Variants in NKAIN2 observed in about 807,000 individuals in gnomAD.
NKAIN2 encodes sodium/potassium-transporting ATPase subunit beta-1-interacting protein 2.
In NKAIN2, 14 loss-of-function variants were observed where a neutral mutation model predicts 32.6. That is an observed-to-expected ratio of 0.43 (90% CI 0.28 to 0.67). The LOEUF (loss-of-function observed/expected upper bound fraction) is 0.67. Among genes scored for constraint, NKAIN2 ranks in the 30% least tolerant of loss-of-function variants. NKAIN2 has a pLI of 0.17. For synonymous variants in NKAIN2, 80 were observed against 87.2 expected (o/e 0.92, Z 0.46); for missense variants, 198 against 258.3 (o/e 0.77, Z 1.60).
chr6:124,404,143 G>A (rs1443790567), intron 3 of NKAIN2, among the ~76,000 whole-genome samples: 4 of 151,978 alleles, frequency 2.6e-5, no homozygotes, highest in South Asian at 2.1e-4. Flanking sequence ...ATCCTTCATC[G>A]TGGATGTTTA....
intron 1 of NKAIN2, among the ~76,000 whole-genome samples, chr6:124,266,911 T>C (rs1794518201): frequency 6.6e-6 from 1 of 152,194 alleles, no homozygotes; most frequent in Non-Finnish European, 1.5e-5. Context: ...AAGGACTACC[T>C]AGTCATCCTT....
At chr6:124,596,845 C>T (rs1782113011) in intron 3 of NKAIN2, among the ~76,000 whole-genome samples, 1 of 151,988 alleles carries the variant, frequency 6.6e-6, no homozygotes, top group Admixed American at 6.6e-5. Context: ...AGTCAAGACC[C>T]AGAGAGCCAA....
intron 3 of NKAIN2, among the ~76,000 whole-genome samples, chr6:124,356,229 T>A (rs1344372502): frequency 6.6e-6 from 1 of 152,150 alleles, no homozygotes; most frequent in African/African-American, 2.4e-5. Flanking sequence ...AAATTTTTTT[T>A]AAAGAAAATT....
At chr6:124,439,362 T>G (rs889067781) in intron 3 of NKAIN2, among the ~76,000 whole-genome samples, 36 of 151,978 alleles carry the variant, frequency 2.4e-4, no homozygotes, top group African/African-American at 2.4e-5. Context: ...CTTGTTGTTT[T>G]TTTTTTTTAT....
intron 3 of NKAIN2, among the ~76,000 whole-genome samples, chr6:124,378,171 A>AAG: frequency 6.6e-6 from 1 of 152,112 alleles, no homozygotes. Context: ...CTTCAGCCCA[A>AAG]TGCACTTTGG....
intron 1 of NKAIN2, among the ~76,000 whole-genome samples, chr6:123,905,811 T>C (rs1260091506): frequency 6.6e-6 from 1 of 152,188 alleles, no homozygotes; most frequent in African/African-American, 2.4e-5. Context: ...GACAGGAATC[T>C]CATTAGTCCT....
rs552782793 is a variant in NKAIN2 at position 124,047,448 on chromosome 6, C to CTA, written c.55-235546_55-235545dup. ...GGAAATTTACTTTCTCTCTCTCTCTCTATATATATATAGTTAAATAGCAAA... is the reference window on the plus strand; with the variant it reads ...GGAAATTTACTTTCTCTCTCTCTCTCTATATATATATATAGTTAAATAGCAAA... On this transcript the variant is annotated intron_variant, in intron 1 of 6. Transcript: ENST00000368417. Among the ~76,000 whole-genome samples the CTA allele has an allele frequency of 9.8e-3, 1,484 of 151,114 alleles. 23 individuals are homozygous for CTA. The highest frequency in any genetic ancestry group is 0.033 in the African/African-American group (1,363 of 41,148).
chr6:124,680,895 TA>T (rs779499032), intron 4 of NKAIN2, among the ~76,000 whole-genome samples: 1 of 152,012 alleles, frequency 6.6e-6, no homozygotes, highest in Admixed American at 6.6e-5. Context: ...AAGGAAAAAC[TA>T]GGCATATTTA....
chr6:123,987,662 T>C (rs1779203735), intron 1 of NKAIN2, among the ~76,000 whole-genome samples: 1 of 152,144 alleles, frequency 6.6e-6, no homozygotes, highest in South Asian at 2.1e-4. Context: ...TTCCTGGCTG[T>C]TAGTTGGAGC....
chr6:124,345,205 C>T (rs540474288), intron 2 of NKAIN2, among the ~76,000 whole-genome samples: 1 of 152,096 alleles, frequency 6.6e-6, no homozygotes, highest in Admixed American at 6.6e-5. Context: ...GGTGGACAAG[C>T]TTTTTGATGG....
chr6:124,200,733 A>G (rs1447182725), intron 1 of NKAIN2, among the ~76,000 whole-genome samples: 4 of 152,108 alleles, frequency 2.6e-5, no homozygotes, highest in African/African-American at 2.4e-5. Context: ...TTTGAAGTTC[A>G]TAATCATTAC....
intron 3 of NKAIN2, among the ~76,000 whole-genome samples, chr6:124,514,073 A>G (rs1778815610): frequency 6.6e-6 from 1 of 152,164 alleles, no homozygotes; most frequent in Non-Finnish European, 1.5e-5. Flanking sequence ...AAACACAGAA[A>G]GGACTAAATT....
Position 124,120,939 on chromosome 6 carries a change from C to T in NKAIN2, c.55-162066C>T, listed in dbSNP as rs571783866. Among the ~76,000 whole-genome samples the T allele has an allele frequency of 2.0e-5, 3 of 152,214 alleles. No individual in the cohort carries two copies. The South Asian group carries it at 6.2e-4, about 32-fold the overall frequency. On this transcript the variant is annotated intron_variant, in intron 1 of 6. Transcript: ENST00000368417. ...TTTGATGAAAGTTTTTCTAAAGAAA[C>T]TGATACTCATGGTTCTATTAAGGCA...
At chr6:124,167,797 T>C (rs1468228984) in intron 1 of NKAIN2, among the ~76,000 whole-genome samples, 1 of 152,222 alleles carries the variant, frequency 6.6e-6, no homozygotes, top group Non-Finnish European at 1.5e-5. Flanking sequence ...TTGTCTTTGG[T>C]TCTGTTTGTA....
At chr6:124,261,729 G>A (rs531180195) in intron 1 of NKAIN2, among the ~76,000 whole-genome samples, 7 of 152,066 alleles carry the variant, frequency 4.6e-5, no homozygotes, top group Admixed American at 2.0e-4. Flanking sequence ...GCATTGTGGC[G>A]TGCACCTGTA....
intron 3 of NKAIN2, among the ~76,000 whole-genome samples, chr6:124,413,406 A>G (rs966820004): frequency 9.9e-5 from 15 of 151,786 alleles, no homozygotes; most frequent in African/African-American, 2.4e-4. Context: ...GTGTAGGTCT[A>G]TTTGATCTCA....
chr6:124,676,379 G>A (rs371111551), intron 4 of NKAIN2, among the ~76,000 whole-genome samples: 4 of 151,934 alleles, frequency 2.6e-5, no homozygotes, highest in East Asian at 1.9e-4. Context: ...TTTTCTTATC[G>A]ACTTTCTATC....
At chr6:124,695,240 G>T (rs1178869786) in intron 4 of NKAIN2, among the ~76,000 whole-genome samples, 1 of 151,652 alleles carries the variant, frequency 6.6e-6, no homozygotes, top group East Asian at 1.9e-4. Context: ...GTCCATCAGG[G>T]ATTAATAAAC....
At chr6:123,880,825 A>G (rs1319639015) in intron 1 of NKAIN2, among the ~76,000 whole-genome samples, 3 of 152,216 alleles carry the variant, frequency 2.0e-5, no homozygotes, top group Non-Finnish European at 4.4e-5. Flanking sequence ...TTCATCTTCA[A>G]TTCCTATGCA....
Sources: gnomAD v4.1 joint callset for allele counts (sites outside exome capture counted in the v4.1 genomes callset) on GRCh38, gnomAD v4.1.1 for gene constraint, MANE v1.5 for transcripts, NCBI Gene and HGNC (gene_info 2026-07-23, HGNC 2026-07-21) for gene names.